DPYD: variants seen among roughly 807,000 people sequenced by gnomAD.
DPYD encodes dihydropyrimidine dehydrogenase [NADP(+)].
Under a neutral mutation model 116.2 loss-of-function variants are expected in DPYD, and 109 were observed. The ratio of observed to expected loss-of-function variants is 0.94; its 90% CI spans 0.80 to 1.10. The LOEUF is 1.10. Among genes scored for constraint, DPYD ranks in the 50% least tolerant of loss-of-function variants. DPYD has a pLI of 0.00. For missense variants in DPYD, 1,302 were observed against 1,254.5 expected (o/e 1.04, Z -0.57); for synonymous variants, 440 against 432.0 (o/e 1.02, Z -0.23).
chr1:97,132,295 T>C (rs764164832), intron 20 of DPYD, among the ~76,000 whole-genome samples: 8 of 152,122 alleles, frequency 5.3e-5, no homozygotes, highest in African/African-American at 1.7e-4. Context: ...TTTTATATAC[T>C]AAGAATTTTT....
chr1:97,560,655 T>A (rs1437287599), intron 11 of DPYD, among the ~76,000 whole-genome samples: 3 of 152,074 alleles, frequency 2.0e-5, no homozygotes, highest in Non-Finnish European at 4.4e-5. Context: ...TCCTTGTGTG[T>A]TGTAAATTTC....
At chr1:97,381,745 T>C (rs1163273322) in intron 15 of DPYD, among the ~76,000 whole-genome samples, 1 of 152,212 alleles carries the variant, frequency 6.6e-6, no homozygotes, top group African/African-American at 2.4e-5. Flanking sequence ...CTCTCCAGAC[T>C]ATTTTCCATG....
At position 97,860,754 on chromosome 1, in the gene DPYD, C is replaced by T. The variant is rs181628532; in HGVS notation, c.150+22510G>A. On this transcript the variant is annotated intron_variant, in intron 2 of 22. Transcript: ENST00000370192. ...TAACCTAAAATACTGAAAACAAAAG[C>T]CATATAAAAACAACTCTAGTAATTA... is the stretch of plus-strand genomic sequence containing the variant. Among the ~76,000 whole-genome samples, 534 of 151,366 alleles carry T rather than the reference C, an allele frequency of 3.5e-3. 7 individuals are homozygous for T. The highest frequency in any genetic ancestry group is 0.013 in the African/African-American group (517 of 41,340).
chr1:97,564,304 T>C (rs1455878668), intron 11 of DPYD, among the ~76,000 whole-genome samples: 2 of 152,148 alleles, frequency 1.3e-5, no homozygotes, highest in African/African-American at 2.4e-5. Flanking sequence ...AAATCAACAG[T>C]AACAAAAGCT....
chr1:97,904,100 C>T lies in DPYD; in HGVS notation c.39+16784G>A, dbSNP rs564323780. Among the ~76,000 whole-genome samples, 7 of 152,024 alleles carry T rather than the reference C, an allele frequency of 4.6e-5. No individual in the cohort carries two copies. In the South Asian group the frequency reaches 6.2e-4, roughly 14 times the overall value. On this transcript the variant is annotated intron_variant, in intron 1 of 22. Coordinates refer to ENST00000370192, the MANE Select transcript of DPYD (RefSeq NM_000110.4). ...AGGGCTACACATCAGGATGTCCCTT[C>T]TCTGCACCATCCCTCCCCTAACTCC...
intron 3 of DPYD, among the ~76,000 whole-genome samples, chr1:97,769,085 C>A (rs1666016891): frequency 6.6e-6 from 1 of 152,012 alleles, no homozygotes; most frequent in African/African-American, 2.4e-5. Flanking sequence ...AGAGGACTTT[C>A]TATAGCTATT....
intron 19 of DPYD, among the ~76,000 whole-genome samples, chr1:97,210,494 T>C (rs771612046): frequency 6.6e-6 from 1 of 152,126 alleles, no homozygotes; most frequent in Non-Finnish European, 1.5e-5. Flanking sequence ...CAGTAAGGCA[T>C]TCCTCTCTCC....
At chr1:97,738,354 T>G (rs1419641158) in intron 4 of DPYD, among the ~76,000 whole-genome samples, 1 of 151,926 alleles carries the variant, frequency 6.6e-6, no homozygotes, top group Non-Finnish European at 1.5e-5. Flanking sequence ...TAGAATTGAG[T>G]GTACCTTTCA....
intron 12 of DPYD, chr1:97,545,766 C>T: frequency 2.6e-6 from 4 of 1,555,198 alleles, no homozygotes; most frequent in Non-Finnish European, 3.5e-6. Flanking sequence ...CTTTGGCATC[C>T]CTAGAAAACT....
At position 97,870,773 on chromosome 1, in the gene DPYD, G is replaced by C. The variant is rs9661794; in HGVS notation, c.150+12491C>G. Among the ~76,000 whole-genome samples, 4 of 151,736 alleles carry C rather than the reference G, an allele frequency of 2.6e-5. No homozygotes were observed. The South Asian group carries it at 8.3e-4, about 32-fold the overall frequency. On this transcript the variant is annotated intron_variant, in intron 2 of 22. Transcript: ENST00000370192. ...TCAGTTCAAAGGATCAGATGTCAAA[G>C]TGCTCCCTCTAATGTCCTTTAATCA... is the stretch of plus-strand genomic sequence containing the variant.
chr1:97,417,905 C>G (rs1268626876), intron 14 of DPYD, among the ~76,000 whole-genome samples: 2 of 152,182 alleles, frequency 1.3e-5, no homozygotes, highest in African/African-American at 4.8e-5. Context: ...TAGATGGATA[C>G]AGACATATTA....
Position 97,471,987 on chromosome 1 carries a change from G to C in DPYD, c.1741-21764C>G, listed in dbSNP as rs530494227. 4.6e-5 allele frequency among the ~76,000 whole-genome samples: 7 copies of C among 152,322 alleles called. 1 individual carries two copies. The highest frequency in any genetic ancestry group is 6.8e-3 in the Middle Eastern group (2 of 294). On this transcript the variant is annotated intron_variant, in intron 13 of 22. Transcript: ENST00000370192. Reference sequence around the variant, plus strand: ...AAATGTAAAAAAAGAGACAGGTTTAGAGACTTAAAGACAGGTCATATGAGA... The same window carrying C: ...AAATGTAAAAAAAGAGACAGGTTTACAGACTTAAAGACAGGTCATATGAGA...
At chr1:97,102,058 G>A (rs944460286) in intron 20 of DPYD, among the ~76,000 whole-genome samples, 20 of 151,908 alleles carry the variant, frequency 1.3e-4, no homozygotes, top group African/African-American at 4.8e-4. Flanking sequence ...AGCCAGCAAA[G>A]CTTTAAGGTA....
intron 13 of DPYD, among the ~76,000 whole-genome samples, chr1:97,481,089 G>T (rs1319705198): frequency 2.0e-5 from 3 of 152,154 alleles, no homozygotes; most frequent in African/African-American, 7.2e-5. Context: ...TCCTTAAAAT[G>T]ATAAAGGCAA....
intron 18 of DPYD, among the ~76,000 whole-genome samples, chr1:97,269,918 T>C (rs1664469735): frequency 6.6e-6 from 1 of 152,192 alleles, no homozygotes; most frequent in Admixed American, 6.5e-5. Flanking sequence ...AGTAAATTAC[T>C]TCATCAGCAA....
intron 3 of DPYD, among the ~76,000 whole-genome samples, chr1:97,810,495 T>C (rs1488323879): frequency 6.6e-6 from 1 of 152,098 alleles, no homozygotes; most frequent in Non-Finnish European, 1.5e-5. Flanking sequence ...AACATTCTAC[T>C]AATGTACACT....
chr1:97,450,891 G>A (rs1481352157), intron 13 of DPYD, among the ~76,000 whole-genome samples: 2 of 152,048 alleles, frequency 1.3e-5, no homozygotes, highest in Non-Finnish European at 2.9e-5. Context: ...CTTGTTAAGT[G>A]TAATTAACAA....
intron 19 of DPYD, among the ~76,000 whole-genome samples, chr1:97,225,872 A>G (rs1240523731): frequency 1.3e-5 from 2 of 152,028 alleles, no homozygotes; most frequent in Non-Finnish European, 1.5e-5. Flanking sequence ...TCTTTAATTC[A>G]TTTTGAGTTT....
chr1:97,782,026 T>C (rs1666773680), intron 3 of DPYD, among the ~76,000 whole-genome samples: 2 of 152,196 alleles, frequency 1.3e-5, no homozygotes, highest in South Asian at 4.1e-4. Flanking sequence ...CTTTATTCTT[T>C]GGTAAATCTC....
Sources: gnomAD v4.1 joint callset for allele counts (sites outside exome capture counted in the v4.1 genomes callset) on GRCh38, gnomAD v4.1.1 for gene constraint, MANE v1.5 for transcripts, NCBI Gene and HGNC (gene_info 2026-07-23, HGNC 2026-07-21) for gene names.